Variants in CLEC16A observed in about 807,000 individuals in gnomAD.
CLEC16A encodes the protein protein CLEC16A.
In CLEC16A, 51 loss-of-function variants were observed where a neutral mutation model predicts 109.5. That is an observed-to-expected ratio of 0.47 (90% CI 0.37 to 0.59). The LOEUF is 0.59. CLEC16A is among the 20% of genes least tolerant of loss of function. CLEC16A has a pLI of 0.00. For synonymous variants in CLEC16A, 673 were observed against 564.2 expected (o/e 1.19, Z -2.73); for missense variants, 1,339 against 1,394.0 (o/e 0.96, Z 0.63).
At chr16:11,044,225 G>C in intron 16 of CLEC16A, 153 bp downstream of exon 16, 2 of 567,542 alleles carry the variant, frequency 3.5e-6, no homozygotes, top group Non-Finnish European at 5.4e-6. Context: ...ATAGTCCCTA[G>C]AGTAGCAATA....
chr16:10,953,970 C>T (rs2041861326), intron 1 of CLEC16A, among the ~76,000 whole-genome samples: 1 of 76,474 alleles, frequency 1.3e-5, no homozygotes, highest in South Asian at 6.2e-4. Context: ...GAGCAAGACT[C>T]CGTCTCAAAA....
intron 3 of CLEC16A, among the ~76,000 whole-genome samples, chr16:10,968,256 G>A (rs998689042): frequency 2.6e-5 from 4 of 152,252 alleles, no homozygotes; most frequent in African/African-American, 4.8e-5. Context: ...CAGCTGGCTA[G>A]TAGACATGTT....
intron 13 of CLEC16A, chr16:11,027,522 C>G: frequency 6.3e-7 from 1 of 1,575,012 alleles, no homozygotes; most frequent in Non-Finnish European, 8.6e-7. Flanking sequence ...GACCATCCCT[C>G]TGACAGACAA....
chr16:11,073,318 C>G (rs1195317370), intron 19 of CLEC16A, among the ~76,000 whole-genome samples: 2 of 152,118 alleles, frequency 1.3e-5, no homozygotes, highest in Non-Finnish European at 2.9e-5. Flanking sequence ...ACCCGACCTG[C>G]TGACTTGGAA....
intron 19 of CLEC16A, among the ~76,000 whole-genome samples, chr16:11,088,747 GCTTA>G (rs1368609943): frequency 1.3e-5 from 2 of 152,216 alleles, no homozygotes; most frequent in Non-Finnish European, 2.9e-5. Context: ...TGGAAAATTG[GCTTA>G]CTTATTGCCA....
intron 19 of CLEC16A, among the ~76,000 whole-genome samples, chr16:11,096,523 A>G (rs947083784): frequency 1.3e-5 from 2 of 152,206 alleles, no homozygotes; most frequent in Admixed American, 6.5e-5. Context: ...TGATTATAAA[A>G]GTATTATCTA....
At chr16:11,151,392 T>C (rs2054285644) in intron 22 of CLEC16A, among the ~76,000 whole-genome samples, 1 of 152,232 alleles carries the variant, frequency 6.6e-6, no homozygotes, top group South Asian at 2.1e-4. Flanking sequence ...CTTGTCTTCA[T>C]TCACCTGGGC....
chr16:11,136,224 T>G (rs1214929974), intron 22 of CLEC16A: 3 of 152,224 alleles, frequency 2.0e-5, no homozygotes, highest in African/African-American at 7.2e-5. Flanking sequence ...AGTTTATTCA[T>G]ATAAGAAACA....
chr16:11,132,938 G>A (rs982802892), intron 22 of CLEC16A, among the ~76,000 whole-genome samples: 3 of 152,130 alleles, frequency 2.0e-5, no homozygotes, highest in African/African-American at 4.8e-5. Flanking sequence ...CTAAGGCCAG[G>A]GTATTTCTGT....
rs138045654 is a variant in CLEC16A at position 10,997,014 on chromosome 16, T to G, written c.1072-6060T>G. 2.2e-4 allele frequency among the ~76,000 whole-genome samples: 33 copies of G among 152,224 alleles called. 1 individual carries two copies. The highest frequency in any genetic ancestry group is 2.2e-3 in the Admixed American group (33 of 15,290). ...TCTTGCTGTGTCACCCAGGCTGGAG[T>G]GCAGTGGCACGACCACAGCTCACTG... is the stretch of plus-strand genomic sequence containing the variant. On this transcript the variant is annotated intron_variant, in intron 10 of 23. Transcript: ENST00000409790.
intron 22 of CLEC16A, among the ~76,000 whole-genome samples, chr16:11,163,943 G>A (rs1018313561): frequency 2.0e-5 from 3 of 152,102 alleles, no homozygotes; most frequent in African/African-American, 7.2e-5. Flanking sequence ...AAACTGGGGG[G>A]TTTACCGCTC....
At chr16:11,075,803 C>T (rs1004383400) in intron 19 of CLEC16A, among the ~76,000 whole-genome samples, 5 of 151,992 alleles carry the variant, frequency 3.3e-5, no homozygotes, top group Admixed American at 6.6e-5. Context: ...GAGGATGAGA[C>T]GCTGCCTATC....
At chr16:10,997,426 G>C (rs2044395193) in intron 10 of CLEC16A, among the ~76,000 whole-genome samples, 1 of 152,162 alleles carries the variant, frequency 6.6e-6, no homozygotes, top group Admixed American at 6.5e-5. Context: ...CCCCTCCTCA[G>C]TTTGTAACCC....
At chr16:11,156,794 A>G (rs1256773251) in intron 22 of CLEC16A, 1 of 613,826 alleles carries the variant, frequency 1.6e-6, no homozygotes, top group African/African-American at 1.9e-5. Flanking sequence ...AGGTTGCACC[A>G]CTGCGAGAGA....
chr16:10,966,126 C>G (rs578039152), intron 3 of CLEC16A, among the ~76,000 whole-genome samples: 32 of 152,228 alleles, frequency 2.1e-4, no homozygotes, highest in African/African-American at 7.5e-4. Context: ...CTGGGTGACA[C>G]GATACCCATG....
intron 12 of CLEC16A, chr16:11,024,145 T>C (rs2046280414): frequency 6.6e-6 from 1 of 152,232 alleles, no homozygotes; most frequent in Non-Finnish European, 1.5e-5. Flanking sequence ...CCTTGGTATA[T>C]TAAAAATAGA....
chr16:10,987,524 T>C (rs983786035), intron 10 of CLEC16A, among the ~76,000 whole-genome samples: 1 of 152,200 alleles, frequency 6.6e-6, no homozygotes, highest in African/African-American at 2.4e-5. Flanking sequence ...CCAGTTGTGG[T>C]GGACACCTGA....
chr16:11,030,548 AC>A (rs1317947516), intron 13 of CLEC16A, among the ~76,000 whole-genome samples: 13 of 152,222 alleles, frequency 8.5e-5, no homozygotes, highest in Non-Finnish European at 1.3e-4. Context: ...CTTTTGCCAT[AC>A]ATGTCTTTGT....
intron 1 of CLEC16A, among the ~76,000 whole-genome samples, chr16:10,952,265 A>G (rs2041773404): frequency 6.6e-6 from 1 of 152,228 alleles, no homozygotes. Flanking sequence ...AAGCCGAGGC[A>G]GGCAGATCAG....
Sources: gnomAD v4.1 joint callset for allele counts (sites outside exome capture counted in the v4.1 genomes callset) on GRCh38, gnomAD v4.1.1 for gene constraint, MANE v1.5 for transcripts, NCBI Gene and HGNC (gene_info 2026-07-23, HGNC 2026-07-21) for gene names.